Variants in TTC34 observed in about 807,000 individuals in gnomAD.
TTC34 encodes tetratricopeptide repeat domain 34.
In TTC34, 44 loss-of-function variants were observed where a neutral mutation model predicts 40.7. The ratio of observed to expected loss-of-function variants is 1.08; its 90% CI spans 0.85 to 1.39. The LOEUF (loss-of-function observed/expected upper bound fraction) is 1.39, where lower values mean the gene tolerates loss of function less well. Among genes scored for constraint, TTC34 ranks in the 40% most tolerant of loss-of-function variants. TTC34 has a pLI of 0.00. For missense variants in TTC34, 884 were observed against 838.0 expected (o/e 1.05, Z -0.68); for synonymous variants, 422 against 398.6 (o/e 1.06, Z -0.70).
chr1:2,686,361 C>T (rs1317177557), intron 6 of TTC34, among the ~76,000 whole-genome samples: 1 of 136,726 alleles, frequency 7.3e-6, no homozygotes, highest in South Asian at 2.3e-4. Context: ...GCACCCACAC[C>T]CCCAGGTGCG....
At chr1:2,777,691 G>GGGT (rs1553168932) in intron 6 of TTC34, among the ~76,000 whole-genome samples, 1 of 138,448 alleles carries the variant, frequency 7.2e-6, no homozygotes, top group Middle Eastern at 3.5e-3. Flanking sequence ...GAGGGCATGG[G>GGGT]GGGGGGGGCG....
At chr1:2,673,430 T>C (rs4648710) in intron 6 of TTC34, among the ~76,000 whole-genome samples, 13 of 71,484 alleles carry the variant, frequency 1.8e-4, no homozygotes, top group Admixed American at 4.9e-4. Context: ...GCGGCAACAC[T>C]GACACCCACA....
At chr1:2,684,378 C>T (rs1193021963) in intron 6 of TTC34, among the ~76,000 whole-genome samples, 122 of 151,676 alleles carry the variant, frequency 8.0e-4, no homozygotes, top group African/African-American at 2.8e-3. Context: ...ATCTGACAGC[C>T]TGGAACAGAA....
chr1:2,687,488 T>C (rs61765679), intron 6 of TTC34, among the ~76,000 whole-genome samples: 146 of 30,272 alleles, frequency 4.8e-3, no homozygotes, highest in East Asian at 0.025. Flanking sequence ...ACCCACACAC[T>C]CAGGCGAGCA....
exon 6 of TTC34, chr1:2,783,643 C>T (rs528098492): frequency 1.4e-5 from 20 of 1,475,970 alleles, no homozygotes; most frequent in African/African-American, 9.9e-5. Context: ...CACCAACGCC[C>T]GTCCACACAG....
chr1:2,750,358 C>T lies in TTC34; in HGVS notation c.2226+33251G>A, dbSNP rs1379675465. On this transcript the variant is annotated intron_variant, in intron 6 of 8. Transcript: ENST00000401095. ...AGCCTCTGACAGCCTTGAACAGCACCCTGCACCCCGAGGTGAGCATCTGAC... is the reference window on the plus strand; with the variant it reads ...AGCCTCTGACAGCCTTGAACAGCACTCTGCACCCCGAGGTGAGCATCTGAC... Among the ~76,000 whole-genome samples, 6 of 103,880 alleles carry T rather than the reference C, an allele frequency of 5.8e-5. 2 individuals carry two copies. Among genetic ancestry groups the T allele is most frequent in the East Asian group, 7.4e-4 (2 of 2,710 alleles). The allele number at this position is 103,880 out of a possible 152,430, so 68.1% of individuals were successfully genotyped here.
At chr1:2,780,753 C>T (rs1040346165) in intron 6 of TTC34, among the ~76,000 whole-genome samples, 5 of 152,084 alleles carry the variant, frequency 3.3e-5, no homozygotes, top group Non-Finnish European at 7.4e-5. Context: ...CCCTGAGATT[C>T]CACAGGAATT....
chr1:2,793,980 A>C (rs1220025273), intron 2 of TTC34, among the ~76,000 whole-genome samples: 2 of 144,716 alleles, frequency 1.4e-5, no homozygotes, highest in Non-Finnish European at 3.0e-5. Flanking sequence ...GTGGACAGTG[A>C]ATATCTCTCC....
intron 6 of TTC34, among the ~76,000 whole-genome samples, chr1:2,646,228 G>A (rs1223389244): frequency 6.6e-6 from 1 of 152,174 alleles, no homozygotes; most frequent in East Asian, 1.9e-4. Flanking sequence ...TCCCAGGTGA[G>A]CACCCTACCA....
intron 6 of TTC34, among the ~76,000 whole-genome samples, chr1:2,646,494 C>G (rs1639024124): frequency 6.6e-6 from 1 of 152,188 alleles, no homozygotes. Context: ...AAGTGATCCT[C>G]CCACTTCTGC....
At chr1:2,750,052 T>C (rs1169829408) in intron 6 of TTC34, among the ~76,000 whole-genome samples, 8 of 76,002 alleles carry the variant, frequency 1.1e-4, no homozygotes, top group Admixed American at 3.0e-4. Flanking sequence ...CACCCTCAGG[T>C]GAGCATCTGA....
intron 6 of TTC34, among the ~76,000 whole-genome samples, chr1:2,686,621 A>G (rs1640362582): frequency 6.6e-6 from 1 of 151,378 alleles, no homozygotes; most frequent in African/African-American, 2.4e-5. Flanking sequence ...AGCATCTGAC[A>G]GCATGTAACA....
At chr1:2,642,760 G>T (rs1273830201) in intron 8 of TTC34, among the ~76,000 whole-genome samples, 3 of 152,198 alleles carry the variant, frequency 2.0e-5, no homozygotes, top group African/African-American at 7.2e-5. Context: ...GGGGGGCGCA[G>T]CGCACCCAGG....
chr1:2,771,339 A>G (rs1312876114), intron 6 of TTC34, among the ~76,000 whole-genome samples: 4 of 68,704 alleles, frequency 5.8e-5, no homozygotes, highest in African/African-American at 2.4e-4. Context: ...TGAGCATCTG[A>G]CAGCCTGGAA....
chr1:2,685,797 A>G (rs1640309657), intron 6 of TTC34, among the ~76,000 whole-genome samples: 2 of 94,992 alleles, frequency 2.1e-5, no homozygotes, highest in African/African-American at 8.5e-5. Context: ...CAGAACCCAC[A>G]CCCCCAGGTG....
intron 6 of TTC34, among the ~76,000 whole-genome samples, chr1:2,692,364 G>A (rs1223768896): frequency 1.5e-5 from 1 of 66,118 alleles, no homozygotes; most frequent in East Asian, 3.8e-4. Context: ...GCATCTGACA[G>A]CCTGGAGCAG....
At chr1:2,687,861 C>T (rs547345306) in intron 6 of TTC34, among the ~76,000 whole-genome samples, 16 of 139,292 alleles carry the variant, frequency 1.1e-4, no homozygotes, top group African/African-American at 4.2e-4. Context: ...AGTTGAGCAT[C>T]TGACAGCCTG....
In TTC34 at chr1:2,752,228, C is replaced by G. The variant is rs1224844288; in HGVS notation, c.2226+31381G>C. 5.1e-4 allele frequency among the ~76,000 whole-genome samples: 57 copies of G among 111,102 alleles called. 14 individuals carry two copies. The highest frequency in any genetic ancestry group is 2.2e-3 in the African/African-American group (53 of 23,676). 72.9% of individuals were successfully genotyped at this position (111,102 alleles called of 152,430 possible). On this transcript the variant is annotated intron_variant, in intron 6 of 8. Transcript: ENST00000401095. ...CCCACACCCCCAGGTGAGCATCTGACAGACTGGAACAGCTCCCAAATGCCC... is the reference window on the plus strand; with the variant it reads ...CCCACACCCCCAGGTGAGCATCTGAGAGACTGGAACAGCTCCCAAATGCCC...
chr1:2,753,005 G>T (rs1641375701), intron 6 of TTC34, among the ~76,000 whole-genome samples: 2 of 131,874 alleles, frequency 1.5e-5, no homozygotes, highest in Non-Finnish European at 3.2e-5. Flanking sequence ...GCATGGAATG[G>T]CATCCTCACC....
Sources: gnomAD v4.1 joint callset for allele counts (sites outside exome capture counted in the v4.1 genomes callset) on GRCh38, gnomAD v4.1.1 for gene constraint, MANE v1.5 for transcripts, NCBI Gene and HGNC (gene_info 2026-07-23, HGNC 2026-07-21) for gene names.